Variants in PAPLN observed in about 807,000 individuals in gnomAD.
PAPLN encodes the protein papilin, proteoglycan like sulfated glycoprotein, also known as papilin.
A neutral mutation model predicts 159.0 loss-of-function variants in PAPLN; 146 were observed. The ratio of observed to expected loss-of-function variants is 0.92; its 90% CI spans 0.80 to 1.05. PAPLN has a LOEUF of 1.05. Among genes scored for constraint, PAPLN ranks in the 50% least tolerant of loss-of-function variants. The pLI is 0.00. For missense variants in PAPLN, 1,720 were observed against 1,743.9 expected (o/e 0.99, Z 0.24); for synonymous variants, 734 against 702.9 (o/e 1.04, Z -0.70).
intron 11 of PAPLN, among the ~76,000 whole-genome samples, chr14:73,253,534 G>A (rs1404133146): frequency 1.3e-5 from 2 of 152,222 alleles, no homozygotes; most frequent in African/African-American, 4.8e-5. Flanking sequence ...CAAGGGGGAG[G>A]CGCAGGGCCC....
In PAPLN at chr14:73,262,449, T is replaced by G. The variant is rs570417394; in HGVS notation, c.2345T>G (p.Phe782Cys). 6.2e-7 allele frequency: 1 copy of G among 1,613,638 alleles called. No individual in the cohort carries two copies. Among genetic ancestry groups the G allele is most frequent in the African/African-American group, 1.3e-5 (1 of 75,062 alleles). Reference protein sequence around the residue: ...FVASVGQCNRFWYGGCHGNAN... With the variant: ...FVASVGQCNRCWYGGCHGNAN... The stretch of plus-strand genomic sequence containing the variant: ...GCCTCTGTGGGCCAATGTAACCGCT[T>G]CTGGTATGGCGGCTGCCATGGCAAT... The change falls in exon 19 of 27, where the codon TTC becomes TGC. Residue 782 changes from phenylalanine (F) to cysteine (C), a missense_variant. Phe to Cys is a radical substitution (Grantham distance 205, BLOSUM62 -2). Coordinates refer to ENST00000644200, the MANE Select transcript of PAPLN (RefSeq NM_001365906.3).
rs564061587 is a variant in PAPLN, at chr14:73,267,453, T to A, written c.3500+622T>A. Among the ~76,000 whole-genome samples the A allele has an allele frequency of 3.3e-5, 5 of 152,302 alleles. No individual in the cohort carries two copies. The East Asian group carries it at 9.7e-4, about 29-fold the overall frequency. On this transcript the variant is annotated intron_variant, in intron 25 of 26. Coordinates refer to ENST00000644200, the MANE Select transcript of PAPLN (RefSeq NM_001365906.3). Reference sequence around the variant, plus strand: ...GCAGATGGCCCAGTGTCCCAGGAGCTCCAGATGTGTTTTGTTGCAACTGCT... The same window carrying A: ...GCAGATGGCCCAGTGTCCCAGGAGCACCAGATGTGTTTTGTTGCAACTGCT...
At chr14:73,239,557 G>A (rs540341651) in intron 1 of PAPLN, 18 of 731,514 alleles carry the variant, frequency 2.5e-5, no homozygotes, top group Admixed American at 2.4e-4. Flanking sequence ...TGCCAGTTGC[G>A]GATGGGCCAT....
At chr14:73,254,202 GGT>G (rs1885627278) in intron 12 of PAPLN, among the ~76,000 whole-genome samples, 1 of 152,220 alleles carries the variant, frequency 6.6e-6, no homozygotes, top group African/African-American at 2.4e-5. Context: ...GGAAGAAGCT[GGT>G]GTGTTGTTTG....
At chr14:73,264,462 C>T (rs923972966) in intron 21 of PAPLN, 126 bp from the exon 22 acceptor site, 161 of 1,521,722 alleles carry the variant, frequency 1.1e-4, no homozygotes, top group Middle Eastern at 1.8e-4. Context: ...GTCAATTCCT[C>T]CTGCTGGCAG....
intron 25 of PAPLN, 94 bp downstream of exon 25, chr14:73,266,925 C>A: frequency 1.6e-6 from 2 of 1,222,938 alleles, no homozygotes; most frequent in Non-Finnish European, 2.3e-6. Context: ...ACTGTCACCA[C>A]TGCTTCCATT....
intron 16 of PAPLN, 119 bp downstream of exon 16, chr14:73,259,664 A>G: frequency 7.8e-7 from 1 of 1,276,168 alleles, no homozygotes; most frequent in South Asian, 1.8e-5. Flanking sequence ...GCTCAGGAAT[A>G]GGATGCCCAA....
intron 10 of PAPLN, among the ~76,000 whole-genome samples, chr14:73,252,412 A>AG (rs11375642): frequency 1 from 152,304 of 152,304 alleles, 76,152 homozygotes; most frequent in Non-Finnish European, 1. Flanking sequence ...TCAGGACCGG[A>AG]GCTGGGCCTG....
rs138508838 is a variant in PAPLN, at chr14:73,264,673, G to T, written c.3072G>T (p.Gly1024=). The T allele has an allele frequency of 5.5e-5, 88 of 1,610,686 alleles. No individual in the cohort carries two copies. The highest frequency in any genetic ancestry group is 7.2e-5 in the Non-Finnish European group (85 of 1,179,196). The change falls in exon 22 of 27, where the codon GGG becomes GGT. Residue 1024 remains glycine (G), a synonymous_variant. Coordinates refer to ENST00000644200, the MANE Select transcript of PAPLN (RefSeq NM_001365906.3). ...RDPAQDFGQA[G]AAGPLGAIPS... ...CAGCTCAGGACTTTGGCCAAGCGGG[G>T]GCTGCTGGGCCCCTGGGGGCCATCC...
rs1163888774 is a variant in PAPLN, at chr14:73,254,881, C to T, written c.1490C>T (p.Ser497Phe). ...AWHVGTWGLCSKSCSSGTRRR... is the reference protein window; with the variant it reads ...AWHVGTWGLCFKSCSSGTRRR... Reference sequence around the variant, plus strand: ...TCTCCCACTCGTGGGCCTCAGTGCTCCAAGAGCTGCAGCTCGGGCACTCGG... The same window carrying T: ...TCTCCCACTCGTGGGCCTCAGTGCTTCAAGAGCTGCAGCTCGGGCACTCGG... Residue 497 changes from serine (S) to phenylalanine (F), a missense_variant, in exon 14 of 27, where the codon TCC (serine) becomes TTC (phenylalanine). Physicochemically the swap from Ser to Phe is radical, Grantham distance 155 (BLOSUM62 -2). Coordinates refer to ENST00000644200, the MANE Select transcript of PAPLN (RefSeq NM_001365906.3). The T allele has an allele frequency of 1.2e-6, 2 of 1,611,622 alleles. No homozygotes were observed. Among genetic ancestry groups the T allele is most frequent in the South Asian group, 1.1e-5 (1 of 91,048 alleles).
intron 22 of PAPLN, 34 bp downstream of exon 22, chr14:73,264,760 C>T (rs755818940): frequency 5.0e-6 from 8 of 1,610,348 alleles, no homozygotes; most frequent in Non-Finnish European, 6.8e-6. Context: ...TGCCCTCCCC[C>T]ACGCCAGGGC....
intron 10 of PAPLN, 81 bp downstream of exon 10, chr14:73,252,222 T>C: frequency 1.4e-6 from 2 of 1,477,698 alleles, no homozygotes; most frequent in African/African-American, 1.4e-5. Flanking sequence ...GTCACAGCCC[T>C]CTCCTCAAGG....
chr14:73,254,450 G>A, intron 12 of PAPLN, 63 bp from the exon 13 acceptor site: 1 of 1,583,490 alleles, frequency 6.3e-7, no homozygotes, highest in Non-Finnish European at 8.6e-7. Context: ...GCCGCTAGCT[G>A]TCCGAACTGG....
At chr14:73,268,237 A>C (rs936485292) in intron 25 of PAPLN, 7 of 261,548 alleles carry the variant, frequency 2.7e-5, no homozygotes, top group African/African-American at 4.5e-5. Flanking sequence ...CTGACACACT[A>C]TCTGGGTCTG....
chr14:73,254,883 A>G lies in PAPLN; in HGVS notation c.1492A>G (p.Lys498Glu), dbSNP rs1415417557. ...WHVGTWGLCS[K>E]SCSSGTRRRQ... ...TCCCACTCGTGGGCCTCAGTGCTCCAAGAGCTGCAGCTCGGGCACTCGGAG... is the reference window on the plus strand; with the variant it reads ...TCCCACTCGTGGGCCTCAGTGCTCCGAGAGCTGCAGCTCGGGCACTCGGAG... Residue 498 changes from lysine to glutamate, a missense_variant, in exon 14 of 27, where the codon AAG becomes GAG. Coordinates refer to ENST00000644200, the MANE Select transcript of PAPLN (RefSeq NM_001365906.3). The G allele has an allele frequency of 6.2e-7, 1 of 1,611,614 alleles. No individual in the cohort carries two copies. Among genetic ancestry groups the G allele is most frequent in the African/African-American group, 1.3e-5 (1 of 74,862 alleles).
chr14:73,261,629 G>A (rs1475416467), intron 18 of PAPLN, among the ~76,000 whole-genome samples: 5 of 152,250 alleles, frequency 3.3e-5, no homozygotes, highest in Non-Finnish European at 4.4e-5. Flanking sequence ...ATGGGCAGGG[G>A]TGCCCTGACC....
Position 73,252,119 on chromosome 14 carries a change from C to T in PAPLN, c.945C>T (p.Asp315=). 1.2e-6 allele frequency: 2 copies of T among 1,608,186 alleles called. No homozygotes were observed. The highest frequency in any genetic ancestry group is 1.7e-5 in the Admixed American group (1 of 59,448). ...GCTGGAGCCACGGCTCATGGAGTGA[C>T]TGCAGCGCGGAGTGTGGCGGAGGTG... ...GFSWSHGSWS[D]CSAECGGGHQ... is the part of the protein sequence containing the mutation. Residue 315 remains aspartate, a synonymous_variant, in exon 10 of 27, where the codon GAC becomes GAT. Transcript: ENST00000644200.
At position 73,252,631 on chromosome 14, in the gene PAPLN, G is replaced by A. The variant is rs1376886595; in HGVS notation, c.968-18G>A. ...ATGTTGACTGGCGTCTGCCCGCCAT[G>A]GCTGGGCCTCTGCGCAGGTCACCAG... On this transcript the variant is annotated intron_variant, in intron 10 of 26. Coordinates refer to ENST00000644200, the MANE Select transcript of PAPLN (RefSeq NM_001365906.3). 1 of 1,610,088 alleles carries A rather than the reference G, an allele frequency of 6.2e-7. No individual in the cohort carries two copies. The highest frequency in any genetic ancestry group is 1.7e-5 in the Admixed American group (1 of 59,830).
intron 20 of PAPLN, 77 bp downstream of exon 20, chr14:73,263,859 TCCCCCACCTCCTCTGATAGGTGTGACAGA>T (rs1886864021): frequency 7.9e-7 from 1 of 1,269,790 alleles, no homozygotes; most frequent in African/African-American, 2.1e-5. Context: ...GTGTGACAGC[TCCCCCACCTCCTCTGATAGGTGTGACAGA>T]CCCCCTCCTC....
Sources: gnomAD v4.1 joint callset for allele counts (sites outside exome capture counted in the v4.1 genomes callset) on GRCh38, gnomAD v4.1.1 for gene constraint, MANE v1.5 for transcripts, NCBI Gene and HGNC (gene_info 2026-07-23, HGNC 2026-07-21) for gene names.